The following DNAI4 variants were observed in gnomAD, a reference collection of about 807,000 sequenced individuals.
DNAI4 encodes the protein dynein axonemal intermediate chain 4.
Under a neutral mutation model 105.8 loss-of-function variants are expected in DNAI4, and 85 were observed. The observed-to-expected ratio is 0.80, with a 90% CI of 0.67 to 0.96. The LOEUF is 0.96. Among genes scored for constraint, DNAI4 ranks in the 40% least tolerant of loss-of-function variants. DNAI4 has a pLI of 0.00. For missense variants in DNAI4, 1,014 were observed against 1,005.6 expected (o/e 1.01, Z -0.11); for synonymous variants, 352 against 331.5 (o/e 1.06, Z -0.67).
chr1:66,818,277 C>A (rs1217028160), intron 16 of DNAI4, among the ~76,000 whole-genome samples: 1 of 151,772 alleles, frequency 6.6e-6, no homozygotes, highest in Non-Finnish European at 1.5e-5. Context: ...TAGTATTCAT[C>A]ACATTTAAAA....
At chr1:66,864,999 T>C (rs1569640314) in intron 6 of DNAI4, among the ~76,000 whole-genome samples, 1 of 152,234 alleles carries the variant, frequency 6.6e-6, no homozygotes, top group African/African-American at 2.4e-5. Flanking sequence ...GTACATGGTA[T>C]TGATTTTTTC....
chr1:66,824,646 T>C (rs1289360388), intron 15 of DNAI4, among the ~76,000 whole-genome samples: 1 of 152,006 alleles, frequency 6.6e-6, no homozygotes, highest in Non-Finnish European at 1.5e-5. Flanking sequence ...GTTGGATTCC[T>C]AGGTATTTTA....
Position 66,891,274 on chromosome 1 carries a change from A to G in DNAI4, c.531-8T>C, listed in dbSNP as rs1458914076. The G allele has an allele frequency of 2.5e-6, 4 of 1,586,948 alleles. No homozygotes were observed. The highest frequency in any genetic ancestry group is 1.1e-5 in the South Asian group (1 of 90,120). On this transcript the variant is annotated splice_region_variant and splice_polypyrimidine_tract_variant and intron_variant, in intron 3 of 16. Transcript: ENST00000371026. Reference sequence around the variant, plus strand: ...CTGCTTCCTAAAACTGACCTTTAATAATGAATAACAAAATTACTCATTTAT... The same window carrying G: ...CTGCTTCCTAAAACTGACCTTTAATGATGAATAACAAAATTACTCATTTAT...
At chr1:66,828,758 T>A (rs1289691997) in intron 13 of DNAI4, among the ~76,000 whole-genome samples, 1 of 152,190 alleles carries the variant, frequency 6.6e-6, no homozygotes, top group Non-Finnish European at 1.5e-5. Flanking sequence ...TTTCATTTTC[T>A]GTTATATTTA....
chr1:66,836,140 A>AG (rs1180738854), intron 10 of DNAI4, among the ~76,000 whole-genome samples: 6 of 96,002 alleles, frequency 6.2e-5, no homozygotes, highest in African/African-American at 2.6e-4. Context: ...AGAAAGAAAG[A>AG]AAAGAAAGAA....
intron 7 of DNAI4, among the ~76,000 whole-genome samples, chr1:66,851,532 T>TTTAAAAGAAGAGAAATCATAGTGTG (rs925708276): frequency 6.6e-6 from 1 of 151,578 alleles, no homozygotes; most frequent in African/African-American, 2.4e-5. Context: ...CCTTGACAAA[T>TTTAAAAGAAGAGAAATCATAGTGTG]TTAAAAGAAG....
intron 7 of DNAI4, among the ~76,000 whole-genome samples, chr1:66,853,742 C>CA (rs1042031966): frequency 2.0e-5 from 3 of 152,086 alleles, no homozygotes; most frequent in African/African-American, 7.2e-5. Flanking sequence ...AAATCATCTA[C>CA]AAAAAAACTA....
In DNAI4 at chr1:66,895,988, G is replaced by T. The variant is rs72671687; in HGVS notation, c.346-2575C>A. On this transcript the variant is annotated intron_variant, in intron 2 of 16. Coordinates refer to ENST00000371026, the MANE Select transcript of DNAI4 (RefSeq NM_024763.5). The stretch of plus-strand genomic sequence containing the variant: ...AATATTTTATTGAGGATTTCTCTAC[G>T]TTTGCAAGTGAAATTGGCATATAAT... Among the ~76,000 whole-genome samples, 456 of 152,172 alleles carry T rather than the reference G, an allele frequency of 3.0e-3. 1 individual carries two copies. Among genetic ancestry groups the T allele is most frequent in the Non-Finnish European group, 5.3e-3 (363 of 67,974 alleles).
intron 4 of DNAI4, among the ~76,000 whole-genome samples, chr1:66,878,686 T>A (rs1647006974): frequency 6.6e-6 from 1 of 152,208 alleles, no homozygotes; most frequent in Non-Finnish European, 1.5e-5. Flanking sequence ...ACCACATAAA[T>A]AATTCTAGCT....
chr1:66,871,598 T>C, intron 5 of DNAI4, 89 bp from the exon 6 acceptor site: 1 of 1,319,214 alleles, frequency 7.6e-7, no homozygotes, highest in Non-Finnish European at 1.0e-6. Flanking sequence ...CTAAAATTAC[T>C]TTCCTTAATG....
intron 1 of DNAI4, among the ~76,000 whole-genome samples, chr1:66,921,852 G>C (rs987513728): frequency 6.6e-6 from 1 of 151,702 alleles, no homozygotes; most frequent in Non-Finnish European, 1.5e-5. Context: ...CTATCCTTAG[G>C]TGAAGATGGA....
chr1:66,873,982 T>C lies in DNAI4; in HGVS notation c.800+799A>G, dbSNP rs74078499. On this transcript the variant is annotated intron_variant, in intron 5 of 16. Transcript: ENST00000371026. ...CCAAACCATATTATAATATTTTAGATTTTGAGAAGGAATAATACCCTAAAA... is the reference window on the plus strand; with the variant it reads ...CCAAACCATATTATAATATTTTAGACTTTGAGAAGGAATAATACCCTAAAA... Among the ~76,000 whole-genome samples, 245 of 151,694 alleles carry C rather than the reference T, an allele frequency of 1.6e-3. 1 individual carries two copies. Among genetic ancestry groups the C allele is most frequent in the African/African-American group, 5.1e-3 (213 of 41,396 alleles).
At chr1:66,923,316 T>G (rs1333613301) in intron 1 of DNAI4, among the ~76,000 whole-genome samples, 1 of 152,202 alleles carries the variant, frequency 6.6e-6, no homozygotes, top group Non-Finnish European at 1.5e-5. Context: ...CCTAGGTGTA[T>G]AGTAGCCCAT....
chr1:66,879,597 G>A (rs761947523), intron 4 of DNAI4, among the ~76,000 whole-genome samples: 2 of 152,144 alleles, frequency 1.3e-5, no homozygotes, highest in Non-Finnish European at 2.9e-5. Flanking sequence ...AGTTTTATGC[G>A]AAATTGTCAA....
intron 16 of DNAI4, among the ~76,000 whole-genome samples, chr1:66,819,826 C>T (rs899179099): frequency 1.3e-5 from 2 of 152,116 alleles, no homozygotes; most frequent in Non-Finnish European, 2.9e-5. Context: ...TTCCCACTCC[C>T]AACCACCGCA....
chr1:66,893,242 C>G lies in DNAI4; in HGVS notation c.517G>C (p.Gly173Arg). The G allele has an allele frequency of 6.3e-7, 1 of 1,580,814 alleles. No homozygotes were observed. Among genetic ancestry groups the G allele is most frequent in the African/African-American group, 1.4e-5 (1 of 73,194 alleles). The change falls in exon 3 of 17, where the codon GGG becomes CGG. Residue 173 changes from glycine (G) to arginine (R), a missense_variant. Gly to Arg is a moderately radical substitution (Grantham distance 125). Coordinates refer to ENST00000371026, the MANE Select transcript of DNAI4 (RefSeq NM_024763.5). ...AGTATACTCTACCTTGTAAACTGCC[C>G]TAACGTACTAGGATTTATTGTATTC... is the stretch of plus-strand genomic sequence containing the variant. ...YQNTINPSTL[G>R]QFTRSVLGSS...
rs371875363 is a variant in DNAI4, at chr1:66,902,769, A to G, written c.345+2432T>C. ...TTCATTCTTTTCCATGTGGATATCC[A>G]GTTGTCCCAACAAGATTTGTTGACA... On this transcript the variant is annotated intron_variant, in intron 2 of 16. Transcript: ENST00000371026. Among the ~76,000 whole-genome samples, 7 of 152,354 alleles carry G rather than the reference A, an allele frequency of 4.6e-5. No individual in the cohort carries two copies. The East Asian group carries it at 1.3e-3, about 29-fold the overall frequency.
intron 1 of DNAI4, among the ~76,000 whole-genome samples, chr1:66,920,743 G>A (rs1186697446): frequency 3.3e-5 from 5 of 152,098 alleles, no homozygotes; most frequent in Non-Finnish European, 5.9e-5. Context: ...TATCTACAGG[G>A]CTCCTGTATA....
intron 1 of DNAI4, among the ~76,000 whole-genome samples, chr1:66,907,260 C>G (rs888636616): frequency 1.3e-5 from 2 of 152,174 alleles, no homozygotes; most frequent in Non-Finnish European, 2.9e-5. Flanking sequence ...TTCTGTCATA[C>G]CACAGACTAT....
Sources: allele counts gnomAD v4.1 joint callset (sites outside exome capture counted in the v4.1 genomes callset), GRCh38; gene constraint gnomAD v4.1.1; transcripts MANE v1.5; gene names NCBI Gene and HGNC (gene_info 2026-07-23, HGNC 2026-07-21).